SLC36A4: variants seen among roughly 807,000 people sequenced by gnomAD.
SLC36A4 encodes solute carrier family 36 member 4, also known as neutral amino acid uniporter 4.
In SLC36A4, 49 loss-of-function variants were observed where a neutral mutation model predicts 50.5. That is an observed-to-expected ratio of 0.97 (90% CI 0.77 to 1.23). The LOEUF is 1.23. SLC36A4 is among the 50% of genes most tolerant of loss of function. SLC36A4 has a pLI of 0.00. For synonymous variants in SLC36A4, 207 were observed against 206.5 expected (o/e 1.00, Z -0.02); for missense variants, 611 against 608.4 (o/e 1.00, Z -0.05).
chr11:93,157,159 T>C (rs775454216), intron 9 of SLC36A4, among the ~76,000 whole-genome samples: 1 of 152,154 alleles, frequency 6.6e-6, no homozygotes, highest in African/African-American at 2.4e-5. Flanking sequence ...GTTGCAGGTG[T>C]GTGGCCTTAC....
chr11:93,165,965 G>C lies in SLC36A4; in HGVS notation c.820C>G (p.Pro274Ala), dbSNP rs773804416. 10 of 1,611,018 alleles carry C rather than the reference G, an allele frequency of 6.2e-6. No individual in the cohort carries two copies. In the East Asian group the frequency reaches 2.2e-4, roughly 36 times the overall value. ...LPIVAGWKKY[P>A]LFFGTAVFAF... ...AATACAGCAGTACCAAAAAAGAGTG[G>C]GTATTTCTTCCAACCAGCCACTATT... Residue 274 changes from proline (P) to alanine (A), a missense_variant, in exon 8 of 11, where the codon CCA (proline) becomes GCA (alanine). By Grantham distance (27) the Pro-to-Ala change is conservative (BLOSUM62 -1). Coordinates refer to ENST00000326402, the MANE Select transcript of SLC36A4 (RefSeq NM_152313.4).
chr11:93,195,348 C>A (rs1237842883), intron 1 of SLC36A4, among the ~76,000 whole-genome samples: 1 of 151,962 alleles, frequency 6.6e-6, no homozygotes, highest in South Asian at 2.1e-4. Context: ...TCCCTGGAGT[C>A]TTCCATGTCT....
chr11:93,190,231 T>TG (rs1374022474), intron 1 of SLC36A4, among the ~76,000 whole-genome samples: 2 of 152,158 alleles, frequency 1.3e-5, no homozygotes, highest in Admixed American at 6.5e-5. Flanking sequence ...GTTTAAAACC[T>TG]TAACAAAAAT....
intron 9 of SLC36A4, among the ~76,000 whole-genome samples, chr11:93,155,767 C>T (rs998222474): frequency 6.6e-6 from 1 of 151,960 alleles, no homozygotes; most frequent in Non-Finnish European, 1.5e-5. Context: ...TGTGTTGTTC[C>T]CCTCCATGTG....
chr11:93,158,548 T>C (rs138311328), intron 9 of SLC36A4, among the ~76,000 whole-genome samples: 91 of 151,180 alleles, frequency 6.0e-4, no homozygotes, highest in African/African-American at 2.2e-3. Flanking sequence ...TATCTACTAA[T>C]CAACAAAAGA....
chr11:93,176,959 T>C (rs192952229), intron 6 of SLC36A4, among the ~76,000 whole-genome samples: 59 of 152,318 alleles, frequency 3.9e-4, no homozygotes, highest in Non-Finnish European at 7.9e-4. Context: ...GTGTTACCTT[T>C]GTGGCGTTCT....
chr11:93,177,708 G>A (rs1403993915), intron 6 of SLC36A4, among the ~76,000 whole-genome samples: 3 of 152,136 alleles, frequency 2.0e-5, no homozygotes, highest in Admixed American at 2.0e-4. Flanking sequence ...AACGGCAAAC[G>A]TTCCTGCCTG....
intron 10 of SLC36A4, among the ~76,000 whole-genome samples, chr11:93,149,944 G>A (rs961900725): frequency 2.7e-5 from 4 of 150,168 alleles, no homozygotes; most frequent in African/African-American, 9.7e-5. Context: ...CACCCTTTCT[G>A]TCTAAATTAC....
At chr11:93,188,876 T>C (rs1441535043) in intron 1 of SLC36A4, among the ~76,000 whole-genome samples, 5 of 152,008 alleles carry the variant, frequency 3.3e-5, no homozygotes, top group African/African-American at 4.8e-5. Flanking sequence ...GCTGGGAGGG[T>C]TGGTTCCTTC....
rs1861701697 is a variant in SLC36A4, at chr11:93,180,851, T to C, written c.486A>G (p.Thr162=). The change falls in exon 6 of 11, where the codon ACA becomes ACG. Residue 162 remains threonine, a synonymous_variant. Coordinates refer to ENST00000326402, the MANE Select transcript of SLC36A4 (RefSeq NM_152313.4). The stretch of plus-strand genomic sequence containing the variant: ...TATAAACACTACAGAATCCCAGCTG[T>C]GTTATCACCAGAAAAAAGTCAACCA... ...RSVVDFFLVI[T]QLGFCSVYIV... is the part of the protein sequence containing the mutation. The C allele has an allele frequency of 6.2e-7, 1 of 1,612,908 alleles. No individual in the cohort carries two copies. Among genetic ancestry groups the C allele is most frequent in the Admixed American group, 1.7e-5 (1 of 59,946 alleles).
intron 10 of SLC36A4, among the ~76,000 whole-genome samples, chr11:93,150,988 C>A (rs543755581): frequency 2.0e-5 from 3 of 152,082 alleles, no homozygotes; most frequent in African/African-American, 7.2e-5. Flanking sequence ...TACTATAGCA[C>A]TTTAGAATTT....
At chr11:93,196,145 T>C in intron 1 of SLC36A4, among the ~76,000 whole-genome samples, 1 of 152,132 alleles carries the variant, frequency 6.6e-6, no homozygotes, top group East Asian at 1.9e-4. Context: ...AATTTGAAAC[T>C]TTTTTTCAGT....
chr11:93,178,240 G>A lies in SLC36A4; in HGVS notation c.540+2557C>T, dbSNP rs750625745. On this transcript the variant is annotated intron_variant, in intron 6 of 10. Transcript: ENST00000326402. The stretch of plus-strand genomic sequence containing the variant: ...TCTTGGTGTGCCATTTGCTAAGACC[G>A]TTGGAAAAGCGCATTATTAGGGTGG... Among the ~76,000 whole-genome samples the A allele has an allele frequency of 1.2e-4, 19 of 152,286 alleles. 1 individual carries two copies. Among genetic ancestry groups the A allele is most frequent in the South Asian group, 4.1e-4 (2 of 4,826 alleles).
intron 6 of SLC36A4, among the ~76,000 whole-genome samples, 165 bp downstream of exon 6, chr11:93,180,632 A>C (rs1043934810): frequency 6.6e-6 from 1 of 152,094 alleles, no homozygotes; most frequent in Non-Finnish European, 1.5e-5. Context: ...ATTACAGCAG[A>C]AATCCAACTT....
At chr11:93,189,874 T>G (rs913619691) in intron 1 of SLC36A4, among the ~76,000 whole-genome samples, 5 of 152,222 alleles carry the variant, frequency 3.3e-5, no homozygotes, top group African/African-American at 1.2e-4. Flanking sequence ...GAGTTTATTT[T>G]TAATATCATT....
intron 9 of SLC36A4, chr11:93,159,904 G>T: frequency 3.0e-6 from 3 of 985,304 alleles, no homozygotes; most frequent in Non-Finnish European, 3.6e-6. Flanking sequence ...GCCCTTTACA[G>T]CTTTTCATAG....
rs755870120 is a variant in SLC36A4, at chr11:93,166,029, A to G, written c.769-13T>C. On this transcript the variant is annotated splice_polypyrimidine_tract_variant and intron_variant, in intron 7 of 10. Transcript: ENST00000326402. ...GATCTGGCATGTTCTAAAGAAAGGA[A>G]GAAAAAAAGAAGACCAGTTACATCT... The G allele has an allele frequency of 6.4e-7, 1 of 1,562,638 alleles. No individual in the cohort carries two copies. The highest frequency in any genetic ancestry group is 8.7e-7 in the Non-Finnish European group (1 of 1,148,916).
chr11:93,155,015 G>A (rs1424003254), intron 9 of SLC36A4: 2 of 151,974 alleles, frequency 1.3e-5, no homozygotes, highest in African/African-American at 2.4e-5. Flanking sequence ...TGCATGTCTT[G>A]ATAAAGACTT....
rs185813651 is a variant in SLC36A4, at chr11:93,157,145, A to C, written c.1038-2868T>G. Among the ~76,000 whole-genome samples, 149 of 152,186 alleles carry C rather than the reference A, an allele frequency of 9.8e-4. 5 individuals carry two copies. The highest frequency in any genetic ancestry group is 9.7e-3 in the Admixed American group (148 of 15,280). ...TTTTTGTCAGGTTTTTCAAAGATCA[A>C]ATAGTTGCAGGTGTGTGGCCTTACT... On this transcript the variant is annotated intron_variant, in intron 9 of 10. Transcript: ENST00000326402.
Sources: gnomAD v4.1 joint callset for allele counts (sites outside exome capture counted in the v4.1 genomes callset) on GRCh38, gnomAD v4.1.1 for gene constraint, MANE v1.5 for transcripts, NCBI Gene and HGNC (gene_info 2026-07-23, HGNC 2026-07-21) for gene names.